Variants in STXBP6 observed in about 807,000 individuals in gnomAD.
STXBP6 encodes the protein syntaxin binding protein 6, also known as syntaxin-binding protein 6.
In STXBP6, 21 loss-of-function variants were observed where a neutral mutation model predicts 26.9. That is an observed-to-expected ratio of 0.78 (90% confidence interval 0.55 to 1.12). The LOEUF is 1.12. Among genes scored for constraint, STXBP6 ranks in the 50% most tolerant of loss-of-function variants. The pLI, the probability that STXBP6 is intolerant of heterozygous loss-of-function variation, is 0.00. For missense variants in STXBP6, 232 were observed against 257.9 expected, an observed-to-expected ratio of 0.90 and a Z score of 0.69; for synonymous variants, 97 against 92.6, an observed-to-expected ratio of 1.05 and a Z score of -0.27.
chr14:24,837,306 A>C (rs979270245), intron 4 of STXBP6, among the ~76,000 whole-genome samples: 11 of 152,214 alleles, frequency 7.2e-5, no homozygotes, highest in African/African-American at 2.4e-4. Flanking sequence ...ATTTTCATCA[A>C]AGTATTTAAA....
intron 2 of STXBP6, among the ~76,000 whole-genome samples, chr14:24,962,837 T>C (rs1226060591): frequency 6.6e-6 from 1 of 151,746 alleles, no homozygotes; most frequent in Non-Finnish European, 1.5e-5. Flanking sequence ...GTAAGATGGG[T>C]ATTCTTTTTT....
intron 1 of STXBP6, among the ~76,000 whole-genome samples, chr14:25,032,857 A>G (rs1164845999): frequency 6.6e-6 from 1 of 152,212 alleles, no homozygotes; most frequent in Non-Finnish European, 1.5e-5. Context: ...AGTGCTGAGA[A>G]GTTCAAAATA....
At chr14:24,857,220 G>T (rs761075098) in intron 2 of STXBP6, 63 bp from the exon 3 acceptor site, 12 of 1,605,418 alleles carry the variant, frequency 7.5e-6, no homozygotes, top group African/African-American at 1.3e-5. Context: ...TCCACATTCA[G>T]TGCTGTTTCT....
intron 2 of STXBP6, among the ~76,000 whole-genome samples, chr14:24,875,510 G>C (rs1170139952): frequency 6.6e-6 from 1 of 152,220 alleles, no homozygotes; most frequent in Non-Finnish European, 1.5e-5. Flanking sequence ...TGGATGAACT[G>C]TTGGGGTGGG....
intron 2 of STXBP6, among the ~76,000 whole-genome samples, chr14:24,956,574 T>C (rs957106942): frequency 6.6e-6 from 1 of 152,196 alleles, no homozygotes. Context: ...GCCATCCCCA[T>C]GTACGAACTT....
At chr14:24,939,187 C>A (rs184239437) in intron 2 of STXBP6, among the ~76,000 whole-genome samples, 3 of 152,058 alleles carry the variant, frequency 2.0e-5, no homozygotes, top group Admixed American at 2.0e-4. Flanking sequence ...CATTTAAATC[C>A]CCTCCTAGTG....
chr14:24,812,865 C>G (rs2067861438), intron 5 of STXBP6, 133 bp from the exon 6 acceptor site: 1 of 813,700 alleles, frequency 1.2e-6, no homozygotes, highest in Non-Finnish European at 2.1e-6. Flanking sequence ...GGCAGATCAC[C>G]GTTACTAATT....
chr14:24,819,498 C>A, intron 4 of STXBP6: 1 of 533,528 alleles, frequency 1.9e-6, no homozygotes, highest in South Asian at 3.0e-5. Context: ...AAGGATGGGG[C>A]CTGTCTGGAT....
In STXBP6 at chr14:24,974,795, G is replaced by T. The variant is rs922702443; in HGVS notation, c.24C>A (p.Ser8Arg). The T allele has an allele frequency of 6.2e-7, 1 of 1,609,040 alleles. No homozygotes were observed. Among genetic ancestry groups the T allele is most frequent in the Non-Finnish European group, 8.5e-7 (1 of 1,177,316 alleles). MSAKSAI[S>R]KEIFAPLDER... The stretch of plus-strand genomic sequence containing the variant: ...CATCAAGAGGTGCAAAAATTTCCTT[G>T]CTGATAGCAGATTTGGCACTCATTG... Residue 8 changes from serine to arginine, a missense_variant, in exon 2 of 6, where the codon AGC becomes AGA. Ser to Arg is a moderately radical substitution (Grantham distance 110, BLOSUM62 -1). Transcript: ENST00000323944.
At chr14:25,016,108 G>C (rs12432656) in intron 1 of STXBP6, among the ~76,000 whole-genome samples, 1 of 152,036 alleles carries the variant, frequency 6.6e-6, no homozygotes, top group Non-Finnish European at 1.5e-5. Context: ...AAAATGCTTA[G>C]GTGAGTGCCT....
intron 2 of STXBP6, among the ~76,000 whole-genome samples, chr14:24,895,942 C>T (rs957776318): frequency 1.3e-5 from 2 of 152,202 alleles, no homozygotes; most frequent in Non-Finnish European, 2.9e-5. Flanking sequence ...ACAGAACTCA[C>T]TGAACAGTAG....
chr14:24,856,028 C>A lies in STXBP6; in HGVS notation c.359G>T (p.Cys120Phe). 1 of 1,611,614 alleles carries A rather than the reference C, an allele frequency of 6.2e-7. No homozygotes were observed. The highest frequency in any genetic ancestry group is 8.5e-7 in the Non-Finnish European group (1 of 1,178,664). ...QWVASTASEK[C>F]TFFQILHHTC... Reference sequence around the variant, plus strand: ...ATGGTGGAGGATCTGGAAGAAGGTGCATTTTTCTGACGCTGTGCTGGCTAC... The same window carrying A: ...ATGGTGGAGGATCTGGAAGAAGGTGAATTTTTCTGACGCTGTGCTGGCTAC... Residue 120 changes from cysteine (C) to phenylalanine (F), a missense_variant, in exon 4 of 6, where the codon TGC becomes TTC. By Grantham distance (205) the Cys-to-Phe change is radical. Transcript: ENST00000323944.
intron 1 of STXBP6, 115 bp from the exon 2 acceptor site, chr14:24,974,965 C>A: frequency 3.4e-6 from 2 of 592,470 alleles, no homozygotes; most frequent in African/African-American, 1.9e-5. Flanking sequence ...ACAGTTTAAT[C>A]TCATAATTGC....
intron 2 of STXBP6, among the ~76,000 whole-genome samples, chr14:24,959,079 T>A (rs184269125): frequency 1.3e-5 from 2 of 152,332 alleles, no homozygotes; most frequent in South Asian, 2.1e-4. Flanking sequence ...ATGTTCTCAG[T>A]GTTACTATTA....
intron 5 of STXBP6, among the ~76,000 whole-genome samples, chr14:24,814,315 C>T (rs887482864): frequency 1.3e-5 from 2 of 152,214 alleles, no homozygotes; most frequent in African/African-American, 4.8e-5. Flanking sequence ...CACTCTACGG[C>T]CTCTACTTCT....
intron 1 of STXBP6, among the ~76,000 whole-genome samples, chr14:25,007,242 A>G (rs1185095352): frequency 1.3e-5 from 2 of 152,240 alleles, no homozygotes; most frequent in African/African-American, 2.4e-5. Flanking sequence ...ATTCATCATT[A>G]GTAAGTTATC....
chr14:24,951,474 G>C (rs953642173), intron 2 of STXBP6, among the ~76,000 whole-genome samples: 4 of 152,168 alleles, frequency 2.6e-5, no homozygotes, highest in African/African-American at 4.8e-5. Flanking sequence ...CTAATGACCA[G>C]TGATGATGAG....
At chr14:25,001,116 GC>G (rs2074750599) in intron 1 of STXBP6, among the ~76,000 whole-genome samples, 1 of 152,100 alleles carries the variant, frequency 6.6e-6, no homozygotes, top group African/African-American at 2.4e-5. Context: ...AAAGACGGAG[GC>G]TTTTTCTCTT....
chr14:24,864,782 A>G (rs573213025), intron 2 of STXBP6, among the ~76,000 whole-genome samples: 6 of 152,324 alleles, frequency 3.9e-5, no homozygotes, highest in African/African-American at 1.4e-4. Context: ...CTATCAGTCA[A>G]GCAAAGGCAG....
Sources: allele counts gnomAD v4.1 joint callset (sites outside exome capture counted in the v4.1 genomes callset), GRCh38; gene constraint gnomAD v4.1.1; transcripts MANE v1.5; gene names NCBI Gene and HGNC (gene_info 2026-07-23, HGNC 2026-07-21).